The following CNBD1 variants were observed in gnomAD, a reference collection of about 807,000 sequenced individuals.
The protein encoded by CNBD1 is cyclic nucleotide binding domain containing 1.
A neutral mutation model predicts 54.4 loss-of-function variants in CNBD1; 71 were observed. That is an observed-to-expected ratio of 1.30 (90% CI 1.08 to 1.59). The LOEUF is 1.59. Ranked by LOEUF, CNBD1 falls within the 40% of genes most tolerant of loss-of-function variation. CNBD1 has a pLI of 0.00. For synonymous variants in CNBD1, 182 were observed against 170.7 expected (o/e 1.07, Z -0.51); for missense variants, 659 against 518.0 (o/e 1.27, Z -2.64).
chr8:86,870,745 G>A (rs1256221937), intron 1 of CNBD1, among the ~76,000 whole-genome samples: 1 of 152,060 alleles, frequency 6.6e-6, no homozygotes, highest in Non-Finnish European at 1.5e-5. Flanking sequence ...AAAAAAGGAG[G>A]CTTGTCAGTG....
chr8:86,998,630 G>T (rs1468073177), intron 4 of CNBD1, among the ~76,000 whole-genome samples: 1 of 152,058 alleles, frequency 6.6e-6, no homozygotes, highest in African/African-American at 2.4e-5. Context: ...TTAGAAAGTA[G>T]GTGAATTCAT....
intron 4 of CNBD1, among the ~76,000 whole-genome samples, chr8:86,988,678 C>G (rs112194069): frequency 0.013 from 1,923 of 152,248 alleles, 30 homozygotes; most frequent in African/African-American, 0.037. Context: ...CACATCCCCC[C>G]CTTTCCCAGC....
chr8:87,388,683 C>A (rs1270554925), intron 2 of CNBD1, among the ~76,000 whole-genome samples: 7 of 152,172 alleles, frequency 4.6e-5, no homozygotes, highest in African/African-American at 7.2e-5. Context: ...CAAGGAGGAG[C>A]TGGTACCATT....
intron 10 of CNBD1, among the ~76,000 whole-genome samples, chr8:87,367,254 T>G (rs111283366): frequency 0.019 from 2,874 of 152,178 alleles, 92 homozygotes; most frequent in African/African-American, 0.063. Flanking sequence ...CAACTAGCTT[T>G]TCTCTTACCT....
rs1814061570 is a variant in CNBD1, at chr8:87,210,104, A to T, written c.577+3966A>T. On this transcript the variant is annotated intron_variant, in intron 5 of 10. Coordinates refer to ENST00000518476, the MANE Select transcript of CNBD1 (RefSeq NM_173538.3). Reference sequence around the variant, plus strand: ...CTCTTTAATGAATGGTGTTGGAGATAAATGGTGTTTGAATTTATGAGTGAC... The same window carrying T: ...CTCTTTAATGAATGGTGTTGGAGATTAATGGTGTTTGAATTTATGAGTGAC... Among the ~76,000 whole-genome samples the T allele has an allele frequency of 3.9e-5, 6 of 152,216 alleles. No individual in the cohort carries two copies. In the South Asian group the frequency reaches 1.2e-3, roughly 31 times the overall value.
chr8:86,970,289 T>C (rs1321380510), intron 4 of CNBD1, among the ~76,000 whole-genome samples: 1 of 152,178 alleles, frequency 6.6e-6, no homozygotes, highest in Non-Finnish European at 1.5e-5. Context: ...CACTTAGTAA[T>C]ATGTTAGCAC....
chr8:87,145,274 A>G (rs1812459228), intron 4 of CNBD1, among the ~76,000 whole-genome samples: 2 of 152,178 alleles, frequency 1.3e-5, no homozygotes, highest in South Asian at 4.1e-4. Flanking sequence ...AAAACTAAAG[A>G]ACAATAGATT....
intron 3 of CNBD1, among the ~76,000 whole-genome samples, chr8:86,921,655 A>G (rs1056446434): frequency 2.6e-5 from 4 of 152,126 alleles, no homozygotes; most frequent in African/African-American, 9.7e-5. Context: ...AGATCTCCTG[A>G]CACTTATTCA....
chr8:87,019,945 T>C (rs555888016), intron 4 of CNBD1, among the ~76,000 whole-genome samples: 1 of 152,232 alleles, frequency 6.6e-6, no homozygotes, highest in East Asian at 1.9e-4. Flanking sequence ...TCAAGTAAGA[T>C]TTATCAAAAG....
chr8:87,105,664 G>T (rs534525337), intron 4 of CNBD1, among the ~76,000 whole-genome samples: 3 of 152,262 alleles, frequency 2.0e-5, no homozygotes, highest in Admixed American at 1.3e-4. Context: ...ACCTGACAAA[G>T]AGTATAGCTG....
rs139644379 is a variant in CNBD1 at position 87,395,325 on chromosome 8, A to C, written c.214-33221A>C. On this transcript the variant is annotated intron_variant, in intron 2 of 7. Transcript: ENST00000521593. ...ATATTTTTTGCCAGTAGTGAAAATA[A>C]TGTTCTTGCTGCTACTCTGGATTTT... Among the ~76,000 whole-genome samples the C allele has an allele frequency of 6.5e-3, 987 of 152,000 alleles. 10 individuals are homozygous for C. The highest frequency in any genetic ancestry group is 0.024 in the South Asian group (118 of 4,828).
At chr8:87,095,047 AC>A (rs1202282759) in intron 4 of CNBD1, among the ~76,000 whole-genome samples, 4 of 152,198 alleles carry the variant, frequency 2.6e-5, no homozygotes, top group African/African-American at 9.7e-5. Flanking sequence ...CTCAAAAAAA[AC>A]AAAGTAATAA....
chr8:86,915,279 A>G (rs1809165417), intron 3 of CNBD1, among the ~76,000 whole-genome samples: 1 of 152,166 alleles, frequency 6.6e-6, no homozygotes, highest in Non-Finnish European at 1.5e-5. Flanking sequence ...AAAAGCCTGA[A>G]AAGACATATC....
intron 3 of CNBD1, among the ~76,000 whole-genome samples, chr8:86,927,739 G>A (rs1171728163): frequency 6.6e-6 from 1 of 152,158 alleles, no homozygotes; most frequent in African/African-American, 2.4e-5. Flanking sequence ...AAAGGGACAA[G>A]GAGAGGTGTT....
intron 4 of CNBD1, among the ~76,000 whole-genome samples, chr8:87,092,767 C>T (rs183616217): frequency 2.0e-5 from 3 of 152,034 alleles, no homozygotes; most frequent in African/African-American, 7.2e-5. Context: ...TATGTCATCA[C>T]CTCACAGATT....
At chr8:87,095,869 A>C (rs1309899178) in intron 4 of CNBD1, among the ~76,000 whole-genome samples, 1 of 152,184 alleles carries the variant, frequency 6.6e-6, no homozygotes, top group Non-Finnish European at 1.5e-5. Context: ...TGTGTTAGCC[A>C]GGATGGTCTC....
At chr8:87,029,346 T>A (rs1809728626) in intron 4 of CNBD1, among the ~76,000 whole-genome samples, 3 of 152,202 alleles carry the variant, frequency 2.0e-5, no homozygotes, top group Admixed American at 1.3e-4. Context: ...ATGGTAATTT[T>A]CAGCACTTAG....
At chr8:87,424,061 T>A (rs1287379739) in intron 2 of CNBD1, among the ~76,000 whole-genome samples, 2 of 152,166 alleles carry the variant, frequency 1.3e-5, no homozygotes, top group African/African-American at 4.8e-5. Flanking sequence ...AGTTTATTTG[T>A]GTAGAAGTGT....
Position 87,086,299 on chromosome 8 carries a change from G to C in CNBD1, c.432-119694G>C, listed in dbSNP as rs75988435. ...TGTCTGCCTCAGCTTATGCTCCTCT[G>C]TCCTTGGAGACACCTGACTTTTCTT... On this transcript the variant is annotated intron_variant, in intron 4 of 10. Coordinates refer to ENST00000518476, the MANE Select transcript of CNBD1 (RefSeq NM_173538.3). Among the ~76,000 whole-genome samples, 11 of 152,220 alleles carry C rather than the reference G, an allele frequency of 7.2e-5. No homozygotes were observed. The East Asian group carries it at 1.4e-3, about 19-fold the overall frequency.
Sources: allele counts gnomAD v4.1 joint callset (sites outside exome capture counted in the v4.1 genomes callset), GRCh38; gene constraint gnomAD v4.1.1; transcripts MANE v1.5; gene names NCBI Gene and HGNC (gene_info 2026-07-23, HGNC 2026-07-21).